The following FANCA variants were observed in gnomAD, a reference collection of about 807,000 sequenced individuals.
FANCA encodes the protein FA complementation group A, also known as Fanconi anemia group A protein.
A neutral mutation model predicts 194.3 loss-of-function variants in FANCA; 236 were observed. The observed-to-expected ratio is 1.21, with a 90% CI of 1.09 to 1.35. FANCA has a LOEUF of 1.35. Ranked by LOEUF, FANCA falls within the 40% of genes most tolerant of loss-of-function variation. FANCA has a pLI of 0.00. For missense variants in FANCA, 2,628 were observed against 1,813.9 expected (o/e 1.45, Z -8.15); for synonymous variants, 1,014 against 715.8 (o/e 1.42, Z -6.65).
At chr16:89,798,563 G>T in intron 10 of FANCA, 3 of 1,134,790 alleles carry the variant, frequency 2.6e-6, no homozygotes, top group Non-Finnish European at 2.2e-6. Context: ...ACACTAGAGG[G>T]AAGCAAACCC....
chr16:89,743,349 C>CTG (rs1555535721), intron 36 of FANCA, among the ~76,000 whole-genome samples: 4 of 152,228 alleles, frequency 2.6e-5, no homozygotes, highest in Admixed American at 2.6e-4. Flanking sequence ...AGTGTGGTGT[C>CTG]TGAGTTTTCT....
rs1440933297 is a variant in FANCA at position 89,805,131 on chromosome 16, A to G, written c.709+149T>C. 3 of 682,728 alleles carry G rather than the reference A, an allele frequency of 4.4e-6. No homozygotes were observed. In the African/African-American group the frequency reaches 5.3e-5, roughly 12 times the overall value. 42.3% of individuals were successfully genotyped at this position (682,728 alleles called of 1,614,324 possible). On this transcript the variant is annotated intron_variant, in intron 7 of 42. Coordinates refer to ENST00000389301, the MANE Select transcript of FANCA (RefSeq NM_000135.4). ...CAGTCAAGTAAAATGCAACCCCACA[A>G]CAGGCTGAGACTGGGAGTCTGTCAT... is the stretch of plus-strand genomic sequence containing the variant.
intron 20 of FANCA, among the ~76,000 whole-genome samples, chr16:89,777,280 G>A (rs1251507016): frequency 6.6e-6 from 1 of 152,110 alleles, no homozygotes; most frequent in African/African-American, 2.4e-5. Context: ...TACTTGGGAG[G>A]CGGAGAGGGA....
rs141948916 is a variant in FANCA, at chr16:89,809,814, T to C, written c.522+893A>G. 1.7e-3 allele frequency among the ~76,000 whole-genome samples: 253 copies of C among 147,644 alleles called. 1 individual carries two copies. Among genetic ancestry groups the C allele is most frequent in the African/African-American group, 5.6e-3 (224 of 39,804 alleles). On this transcript the variant is annotated intron_variant, in intron 5 of 42. Coordinates refer to ENST00000389301, the MANE Select transcript of FANCA (RefSeq NM_000135.4). ...GTTGCGATAAGCCAAGATAGCACCATTGCACTCCAGCCTGGGCAACAAGAG... is the reference window on the plus strand; with the variant it reads ...GTTGCGATAAGCCAAGATAGCACCACTGCACTCCAGCCTGGGCAACAAGAG...
At chr16:89,778,360 G>A in intron 20 of FANCA, 2 of 371,502 alleles carry the variant, frequency 5.4e-6, no homozygotes, top group South Asian at 3.9e-5. Flanking sequence ...CAGCTACTCA[G>A]GAGGCTGAGG....
At position 89,795,908 on chromosome 16, in the gene FANCA, T is replaced by G. The variant is rs752532498; in HGVS notation, c.1004A>C (p.Lys335Thr). 13 of 1,612,592 alleles carry G rather than the reference T, an allele frequency of 8.1e-6. No individual in the cohort carries two copies. The Admixed American group carries it at 1.8e-4, about 23-fold the overall frequency. ...TQILTHSPVL[K>T]ASDAVQMQRE... is the part of the protein sequence containing the mutation. ...AGCAGCCTCCACACTGGGCCTACCTTTCAGCACAGGGCTGTGAGTGAGTAT... is the reference window on the plus strand; with the variant it reads ...AGCAGCCTCCACACTGGGCCTACCTGTCAGCACAGGGCTGTGAGTGAGTAT... The change falls in exon 11 of 43, where the codon AAA becomes ACA. Residue 335 changes from lysine (K) to threonine (T), a missense_variant and splice_region_variant. Physicochemically the swap from Lys to Thr is moderately conservative, Grantham distance 78 (BLOSUM62 -1). Coordinates refer to ENST00000389301, the MANE Select transcript of FANCA (RefSeq NM_000135.4).
intron 2 of FANCA, 130 bp from the exon 3 acceptor site, chr16:89,814,743 C>A (rs947614815): frequency 2.7e-5 from 18 of 678,312 alleles, no homozygotes; most frequent in Non-Finnish European, 4.8e-5. Context: ...GAGTTCGAGA[C>A]CAGCCTGGCC....
chr16:89,753,012 G>C (rs1598082775), intron 30 of FANCA, among the ~76,000 whole-genome samples: 1 of 152,226 alleles, frequency 6.6e-6, no homozygotes, highest in Non-Finnish European at 1.5e-5. Flanking sequence ...CTGTGCTTCA[G>C]TGGTCATGCT....
chr16:89,800,581 A>G (rs145548484), intron 8 of FANCA, among the ~76,000 whole-genome samples: 208 of 152,360 alleles, frequency 1.4e-3, no homozygotes, highest in Non-Finnish European at 2.4e-3. Flanking sequence ...ACCAAAATAG[A>G]ACACAGATAA....
intron 21 of FANCA, among the ~76,000 whole-genome samples, chr16:89,775,384 G>C (rs745616534): frequency 3.3e-5 from 5 of 152,216 alleles, no homozygotes; most frequent in Non-Finnish European, 7.3e-5. Flanking sequence ...CCCTACGACA[G>C]GCTCGAGCCA....
At chr16:89,751,846 C>G (rs1361983100) in intron 31 of FANCA, among the ~76,000 whole-genome samples, 1 of 151,904 alleles carries the variant, frequency 6.6e-6, no homozygotes. Context: ...TCTCGGCTCA[C>G]TGCAAGCTCC....
At chr16:89,740,672 C>T in intron 38 of FANCA, 132 bp downstream of exon 38, 1 of 672,288 alleles carries the variant, frequency 1.5e-6, no homozygotes, top group Non-Finnish European at 2.7e-6. Context: ...CCTGGGAGTT[C>T]TCACTCACAC....
intron 23 of FANCA, among the ~76,000 whole-genome samples, chr16:89,771,354 G>C (rs1033795394): frequency 2.0e-5 from 3 of 151,734 alleles, no homozygotes; most frequent in African/African-American, 7.3e-5. Context: ...AGCTACTCGG[G>C]AGGCTGAGAC....
At chr16:89,772,055 G>C (rs766456358) in intron 22 of FANCA, among the ~76,000 whole-genome samples, 1 of 152,168 alleles carries the variant, frequency 6.6e-6, no homozygotes, top group Non-Finnish European at 1.5e-5. Context: ...CTGATTGGCT[G>C]AGAGGGGGAC....
chr16:89,808,492 T>C, intron 5 of FANCA, 125 bp from the exon 6 acceptor site: 1 of 964,366 alleles, frequency 1.0e-6, no homozygotes, highest in Non-Finnish European at 1.6e-6. Context: ...TATTGAAAAT[T>C]AACCTCAAGC....
chr16:89,740,651 A>AC, intron 38 of FANCA, 153 bp downstream of exon 38: 1 of 655,036 alleles, frequency 1.5e-6, no homozygotes, highest in African/African-American at 1.8e-5. Flanking sequence ...AAAAAAAAAA[A>AC]AAACCCACGG....
chr16:89,784,137 G>A (rs189452424), intron 15 of FANCA, among the ~76,000 whole-genome samples: 331 of 152,066 alleles, frequency 2.2e-3, no homozygotes, highest in Non-Finnish European at 3.9e-3. Context: ...AGGCCAAGGC[G>A]GAAGGATCAC....
intron 36 of FANCA, 177 bp downstream of exon 36, chr16:89,744,782 C>T: frequency 1.5e-6 from 1 of 672,106 alleles, no homozygotes. Context: ...TCGGCCTCCC[C>T]AGTAGTTGGG....
chr16:89,808,485 T>G (rs2040751829), intron 5 of FANCA, 118 bp from the exon 6 acceptor site: 13 of 1,067,774 alleles, frequency 1.2e-5, no homozygotes, highest in Non-Finnish European at 1.8e-5. Context: ...CATGCCGTAT[T>G]GAAAATTAAC....
Sources: gnomAD v4.1 joint callset for allele counts (sites outside exome capture counted in the v4.1 genomes callset) on GRCh38, gnomAD v4.1.1 for gene constraint, MANE v1.5 for transcripts, NCBI Gene and HGNC (gene_info 2026-07-23, HGNC 2026-07-21) for gene names.